Variants in NPNT observed in about 807,000 individuals in gnomAD.
NPNT encodes the protein preosteoblast EGF-like repeat protein with MAM domain.
In NPNT, 45 loss-of-function variants were observed where a neutral mutation model predicts 68.6. The observed-to-expected ratio is 0.66, with a 90% CI of 0.52 to 0.84. The LOEUF (loss-of-function observed/expected upper bound fraction) is 0.84, where lower values mean the gene tolerates loss of function less well. NPNT is among the 40% of genes least tolerant of loss of function. The probability of loss-of-function intolerance (pLI) is 0.00; values close to 1 mark genes in which losing one functional copy is unlikely to be tolerated. For missense variants in NPNT, 672 were observed against 714.8 expected (o/e 0.94, Z 0.68); for synonymous variants, 233 against 253.3 (o/e 0.92, Z 0.76).
Position 105,936,989 on chromosome 4 carries a change from T to G in NPNT, c.266-20T>G, listed in dbSNP as rs748422203. On this transcript the variant is annotated intron_variant, in intron 3 of 11. Coordinates refer to ENST00000379987, the MANE Select transcript of NPNT (RefSeq NM_001033047.3). The stretch of plus-strand genomic sequence containing the variant: ...GCTGAGGTTTTGTAATTTTTCTGCT[T>G]CAACCCACATTGTTTTCAGATCTAA... The G allele has an allele frequency of 3.1e-6, 5 of 1,606,678 alleles. No homozygotes were observed. The Admixed American group carries it at 8.6e-5, about 28-fold the overall frequency.
intron 11 of NPNT, among the ~76,000 whole-genome samples, chr4:105,967,833 A>G (rs1489468444): frequency 2.0e-5 from 3 of 151,980 alleles, no homozygotes; most frequent in African/African-American, 4.8e-5. Context: ...AACTTTTACT[A>G]CCATAAATTA....
In NPNT at chr4:105,971,209, C is replaced by A. The variant is rs1349530800; in HGVS notation, c.*2219C>A. ...TTATCTTGGCTGCTGAGAAAGAGTGCCCTGCCCCACACCGGCAGACCTTTC... is the reference window on the plus strand; with the variant it reads ...TTATCTTGGCTGCTGAGAAAGAGTGACCTGCCCCACACCGGCAGACCTTTC... On this transcript the variant is annotated 3_prime_UTR_variant, in exon 12 of 12. Transcript: ENST00000379987. 2.2e-6 allele frequency: 1 copy of A among 453,588 alleles called. No homozygotes were observed. The highest frequency in any genetic ancestry group is 7.0e-5 in the East Asian group (1 of 14,334). 28.1% of individuals were successfully genotyped at this position (453,588 alleles called of 1,614,324 possible).
chr4:105,930,265 T>C (rs779246406), intron 3 of NPNT, among the ~76,000 whole-genome samples: 2 of 152,180 alleles, frequency 1.3e-5, no homozygotes, highest in Non-Finnish European at 2.9e-5. Context: ...ACATGGTAAA[T>C]GCACACTAAA....
intron 8 of NPNT, among the ~76,000 whole-genome samples, chr4:105,956,683 TAAAAG>T (rs1335607612): frequency 7.2e-5 from 11 of 152,120 alleles, no homozygotes; most frequent in African/African-American, 2.7e-4. Context: ...TTCTAGTAAA[TAAAAG>T]AGGCACTCCC....
At chr4:105,904,759 T>C (rs1020915607) in intron 2 of NPNT, among the ~76,000 whole-genome samples, 9 of 152,098 alleles carry the variant, frequency 5.9e-5, no homozygotes, top group Non-Finnish European at 1.3e-4. Context: ...CTCGGCTCAC[T>C]GCAACCTCCG....
At position 105,940,614 on chromosome 4, in the gene NPNT, G is replaced by A. The variant is rs1390946547; in HGVS notation, c.741G>A (p.Gln247=). 26 of 1,613,342 alleles carry A rather than the reference G, an allele frequency of 1.6e-5. No homozygotes were observed. Among genetic ancestry groups the A allele is most frequent in the Non-Finnish European group, 2.1e-5 (25 of 1,179,544 alleles). The part of the protein sequence containing the change: ...SYKCKCKEGY[Q]GDGLTCVYIP... ...AGTGCAAATGTAAAGAAGGATACCA[G>A]GGTGATGGACTGACTTGTGTGTGTG... The change falls in exon 7 of 12, where the codon CAG becomes CAA. Residue 247 remains glutamine, a synonymous_variant. Transcript: ENST00000379987.
At chr4:105,895,920 C>T in intron 1 of NPNT, 197 bp downstream of exon 1, 1 of 575,354 alleles carries the variant, frequency 1.7e-6, no homozygotes, top group South Asian at 2.1e-5. Context: ...AGGGCGCGCC[C>T]TTGCGAGTCT....
chr4:105,938,407 G>T lies in NPNT; in HGVS notation c.492G>T (p.Gly164=). Residue 164 remains glycine (G), a synonymous_variant, in exon 5 of 12, where the codon GGG becomes GGT. Coordinates refer to ENST00000379987, the MANE Select transcript of NPNT (RefSeq NM_001033047.3). ...CTGGCCTGCAGCTGGCTCCTGATGG[G>T]AGGACCTGTGTAGGTGAGTTGTAAA... ...PSPGLQLAPD[G]RTCVDVDECA... is the part of the protein sequence containing the mutation. The T allele has an allele frequency of 6.2e-7, 1 of 1,613,572 alleles. No homozygotes were observed. The highest frequency in any genetic ancestry group is 1.1e-5 in the South Asian group (1 of 91,064).
At chr4:105,951,176 TAGGCATGTG>T (rs1399368895) in intron 8 of NPNT, among the ~76,000 whole-genome samples, 1 of 152,142 alleles carries the variant, frequency 6.6e-6, no homozygotes, top group Non-Finnish European at 1.5e-5. Flanking sequence ...CAATTGTGCC[TAGGCATGTG>T]TCCACCTGAC....
At chr4:105,904,935 C>T (rs180891693) in intron 2 of NPNT, among the ~76,000 whole-genome samples, 29 of 152,178 alleles carry the variant, frequency 1.9e-4, no homozygotes, top group South Asian at 1.9e-3. Flanking sequence ...AGAGTTTCAT[C>T]GTGTTGGTCT....
At chr4:105,964,194 C>T (rs1731945852) in intron 10 of NPNT, among the ~76,000 whole-genome samples, 1 of 152,180 alleles carries the variant, frequency 6.6e-6, no homozygotes, top group Non-Finnish European at 1.5e-5. Flanking sequence ...GTGGCTGAAG[C>T]ATGTCCCCTG....
At chr4:105,968,293 A>G (rs1732329168) in intron 11 of NPNT, among the ~76,000 whole-genome samples, 2 of 152,238 alleles carry the variant, frequency 1.3e-5, no homozygotes, top group African/African-American at 4.8e-5. Context: ...TATTGTTTAG[A>G]GAAATAAAAC....
At chr4:105,910,335 A>G (rs1727260298) in intron 2 of NPNT, among the ~76,000 whole-genome samples, 1 of 152,198 alleles carries the variant, frequency 6.6e-6, no homozygotes, top group Non-Finnish European at 1.5e-5. Context: ...CTAGAATTCT[A>G]AACTACCTGA....
At chr4:105,957,999 G>A (rs187828605) in intron 8 of NPNT, among the ~76,000 whole-genome samples, 1 of 152,238 alleles carries the variant, frequency 6.6e-6, no homozygotes, top group East Asian at 1.9e-4. Context: ...ATATTAGAGT[G>A]CAACAATGTG....
chr4:105,936,040 T>C (rs1395211546), intron 3 of NPNT, among the ~76,000 whole-genome samples: 1 of 152,230 alleles, frequency 6.6e-6, no homozygotes, highest in East Asian at 1.9e-4. Flanking sequence ...TAATGAAGCA[T>C]ATATTTTGGG....
Position 105,937,025 on chromosome 4 carries a change from C to T in NPNT, c.282C>T (p.Gly94=), listed in dbSNP as rs1729543679. ...KTCNQDLNEC[G]LKPRPCKHRC... is the part of the protein sequence containing the mutation. ...TGTTTTCAGATCTAAATGAGTGTGG[C>T]CTGAAGCCCCGGCCCTGTAAGCACA... Residue 94 remains glycine, a synonymous_variant, in exon 4 of 12, where the codon GGC becomes GGT. Coordinates refer to ENST00000379987, the MANE Select transcript of NPNT (RefSeq NM_001033047.3). The T allele has an allele frequency of 1.9e-6, 3 of 1,613,214 alleles. No homozygotes were observed. Among genetic ancestry groups the T allele is most frequent in the African/African-American group, 1.3e-5 (1 of 74,974 alleles).
At chr4:105,918,770 C>T (rs1348549657) in intron 2 of NPNT, among the ~76,000 whole-genome samples, 1 of 152,150 alleles carries the variant, frequency 6.6e-6, no homozygotes, top group Admixed American at 6.6e-5. Flanking sequence ...GGCGTTTCCT[C>T]CTTGTCATAC....
chr4:105,953,137 G>C (rs1486808518), intron 8 of NPNT, among the ~76,000 whole-genome samples: 2 of 152,166 alleles, frequency 1.3e-5, no homozygotes, highest in South Asian at 2.1e-4. Flanking sequence ...CTGCACTCCA[G>C]CCTGGGTGAC....
chr4:105,908,144 C>T (rs972609273), intron 2 of NPNT, among the ~76,000 whole-genome samples: 2 of 151,752 alleles, frequency 1.3e-5, no homozygotes, highest in East Asian at 1.9e-4. Flanking sequence ...GAGAACAAAC[C>T]GTTTTATTCC....
Sources: allele counts gnomAD v4.1 joint callset (sites outside exome capture counted in the v4.1 genomes callset), GRCh38; gene constraint gnomAD v4.1.1; transcripts MANE v1.5; gene names NCBI Gene and HGNC (gene_info 2026-07-23, HGNC 2026-07-21).